Variants in RNF212B observed in about 807,000 individuals in gnomAD.
RNF212B encodes the protein E3 ubiquitin-protein ligase RNF212B.
In RNF212B, 52 loss-of-function variants were observed where a neutral mutation model predicts 55.5. The ratio of observed to expected loss-of-function variants is 0.94; its 90% CI spans 0.75 to 1.18. The LOEUF (loss-of-function observed/expected upper bound fraction) is 1.18, where lower values mean the gene tolerates loss of function less well. Among genes scored for constraint, RNF212B ranks in the 50% most tolerant of loss-of-function variants. The probability of loss-of-function intolerance (pLI) is 0.00; values close to 1 mark genes in which losing one functional copy is unlikely to be tolerated. For synonymous variants in RNF212B, 99 were observed against 121.4 expected, an observed-to-expected ratio of 0.82 and a Z score of 1.21; for missense variants, 289 against 350.4, an observed-to-expected ratio of 0.82 and a Z score of 1.40.
intron 2 of RNF212B, among the ~76,000 whole-genome samples, chr14:23,210,168 A>G (rs1880340128): frequency 6.6e-6 from 1 of 152,170 alleles, no homozygotes; most frequent in East Asian, 1.9e-4. Context: ...CAAACAAAAT[A>G]AACAAATACC....
At chr14:23,207,749 G>A (rs1594875761) in intron 2 of RNF212B, among the ~76,000 whole-genome samples, 1 of 152,264 alleles carries the variant, frequency 6.6e-6, no homozygotes, top group African/African-American at 2.4e-5. Context: ...TTGAGAACAC[G>A]CCCCTCCATG....
chr14:23,203,695 G>A (rs1879552521), intron 2 of RNF212B, among the ~76,000 whole-genome samples: 3 of 151,756 alleles, frequency 2.0e-5, no homozygotes, highest in Admixed American at 2.0e-4. Flanking sequence ...TCAGGCTGGT[G>A]TTGAACTCCT....
At chr14:23,198,537 G>A (rs1011347668) in intron 2 of RNF212B, among the ~76,000 whole-genome samples, 3 of 151,930 alleles carry the variant, frequency 2.0e-5, no homozygotes, top group Non-Finnish European at 4.4e-5. Context: ...TCAGCTGGGC[G>A]TGGTGGCGGG....
chr14:23,249,716 TC>T (rs1440555981), intron 4 of RNF212B, among the ~76,000 whole-genome samples: 1 of 152,178 alleles, frequency 6.6e-6, no homozygotes, highest in Non-Finnish European at 1.5e-5. Context: ...ATTCCTTTGA[TC>T]ATACAAACTG....
intron 2 of RNF212B, among the ~76,000 whole-genome samples, chr14:23,227,544 CATTGAATATACATTAAATGTCAA>C (rs1882145633): frequency 6.7e-6 from 1 of 150,226 alleles, no homozygotes; most frequent in African/African-American, 2.5e-5. Context: ...CATCAATATA[CATTGAATATACATTAAATGTCAA>C]TATACATTGA....
chr14:23,233,169 G>A (rs1489723961), upstream of RNF212B, among the ~76,000 whole-genome samples: 1 of 152,104 alleles, frequency 6.6e-6, no homozygotes, highest in Non-Finnish European at 1.5e-5. Flanking sequence ...GATTAAGGGC[G>A]GTGCAAGATG....
intron 2 of RNF212B, among the ~76,000 whole-genome samples, chr14:23,210,104 T>C (rs1880332914): frequency 6.6e-6 from 1 of 152,132 alleles, no homozygotes; most frequent in South Asian, 2.1e-4. Flanking sequence ...GGAGCCAAGA[T>C]TGCACCACTG....
At chr14:23,202,592 C>T (rs1879409033) in intron 2 of RNF212B, among the ~76,000 whole-genome samples, 1 of 152,178 alleles carries the variant, frequency 6.6e-6, no homozygotes. Flanking sequence ...TGGCTCACGC[C>T]TGTAATCCCA....
intron 1 of RNF212B, among the ~76,000 whole-genome samples, chr14:23,187,031 G>GC (rs575822005): frequency 2.0e-5 from 3 of 151,956 alleles, no homozygotes; most frequent in African/African-American, 4.8e-5. Context: ...CTTCACCTGG[G>GC]CCCCCCCAAC....
intron 2 of RNF212B, among the ~76,000 whole-genome samples, chr14:23,223,624 G>C (rs545973303): frequency 6.6e-6 from 1 of 152,154 alleles, no homozygotes; most frequent in Non-Finnish European, 1.5e-5. Context: ...CAAAGTGCTG[G>C]GATTACAGGC....
chr14:23,260,806 T>C, intron 7 of RNF212B, 119 bp downstream of exon 7: 2 of 923,776 alleles, frequency 2.2e-6, no homozygotes, highest in Non-Finnish European at 3.4e-6. Flanking sequence ...CTTTCACTTC[T>C]CCGAGGAAGA....
rs138395251 is a variant in RNF212B at position 23,187,881 on chromosome 14, A to T, written c.-79+2391A>T. Among the ~76,000 whole-genome samples, 110 of 152,332 alleles carry T rather than the reference A, an allele frequency of 7.2e-4. 1 individual carries two copies. The highest frequency in any genetic ancestry group is 3.4e-3 in the Middle Eastern group (1 of 294). On this transcript the variant is annotated intron_variant, in intron 1 of 15. Coordinates refer to the RNF212B transcript ENST00000399910. Reference sequence around the variant, plus strand: ...GGCCTTCCTGAGCCAGTAGTTTTAGATGCCTTTACTTCATTAGAAAATGAA... The same window carrying T: ...GGCCTTCCTGAGCCAGTAGTTTTAGTTGCCTTTACTTCATTAGAAAATGAA...
chr14:23,251,273 T>G (rs1376845337), intron 4 of RNF212B, among the ~76,000 whole-genome samples: 2 of 146,004 alleles, frequency 1.4e-5, no homozygotes, highest in Non-Finnish European at 3.0e-5. Flanking sequence ...TCAATTCAAT[T>G]CTAACACTAA....
chr14:23,243,025 C>T (rs766725398), intron 2 of RNF212B, among the ~76,000 whole-genome samples: 35 of 151,270 alleles, frequency 2.3e-4, no homozygotes, highest in African/African-American at 2.9e-4. Flanking sequence ...GATGGGTAGA[C>T]GTACGGTGTG....
rs766510835 is a variant in RNF212B at position 23,258,631 on chromosome 14, A to G, written c.311A>G (p.Gln104Arg). Reference protein sequence around the residue: ...HRITKLETAMQEAQQALVSQD... With the variant: ...HRITKLETAMREAQQALVSQD... ...ATTACAAAGTTAGAAACAGCCATGC[A>G]GGAGGCACAGCAAGCACTGGTGAGC... Residue 104 changes from glutamine to arginine, a missense_variant, in exon 5 of 15, where the codon CAG (glutamine) becomes CGG (arginine). Transcript: ENST00000430154. The G allele has an allele frequency of 1.9e-6, 3 of 1,541,956 alleles. No individual in the cohort carries two copies. Among genetic ancestry groups the G allele is most frequent in the East Asian group, 2.5e-5 (1 of 40,354 alleles).
At chr14:23,251,994 T>C (rs1884446382) in intron 4 of RNF212B, among the ~76,000 whole-genome samples, 2 of 152,090 alleles carry the variant, frequency 1.3e-5, no homozygotes. Context: ...GGAGTTGTTA[T>C]GAACGTTCCA....
At chr14:23,244,216 A>ATC in intron 3 of RNF212B, 106 bp from the exon 4 acceptor site, 1 of 613,742 alleles carries the variant, frequency 1.6e-6, no homozygotes, top group Non-Finnish European at 2.8e-6. Flanking sequence ...CAGTGGAGAT[A>ATC]ATGTCAGGTA....
At chr14:23,204,384 T>C (rs897769975) in intron 2 of RNF212B, among the ~76,000 whole-genome samples, 2 of 152,236 alleles carry the variant, frequency 1.3e-5, no homozygotes, top group African/African-American at 4.8e-5. Flanking sequence ...CCTTAATCCA[T>C]CTTGAGTTGA....
At chr14:23,224,722 G>C (rs771520671) in intron 2 of RNF212B, among the ~76,000 whole-genome samples, 10 of 152,120 alleles carry the variant, frequency 6.6e-5, no homozygotes, top group Non-Finnish European at 1.2e-4. Context: ...TACCCCACAA[G>C]CTCAGGCAAC....
Sources: allele counts gnomAD v4.1 joint callset (sites outside exome capture counted in the v4.1 genomes callset), GRCh38; gene constraint gnomAD v4.1.1; transcripts MANE v1.5; gene names NCBI Gene and HGNC (gene_info 2026-07-23, HGNC 2026-07-21).